MATN2: variants seen among roughly 807,000 people sequenced by gnomAD.
MATN2 encodes matrilin-2.
MATN2 carries 69 observed loss-of-function variants against 103.2 expected under a neutral mutation model. That is an observed-to-expected ratio of 0.67 (90% CI 0.55 to 0.82). MATN2 has a LOEUF of 0.82. Ranked by LOEUF, MATN2 falls within the 40% of genes least tolerant of loss-of-function variation. The pLI is 0.00. For synonymous variants in MATN2, 429 were observed against 450.2 expected, an observed-to-expected ratio of 0.95 and a Z score of 0.60; for missense variants, 1,023 against 1,211.5, an observed-to-expected ratio of 0.84 and a Z score of 2.31.
At chr8:97,954,034 C>A (rs1029427296) in intron 4 of MATN2, among the ~76,000 whole-genome samples, 1 of 152,162 alleles carries the variant, frequency 6.6e-6, no homozygotes, top group South Asian at 2.1e-4. Context: ...TCTAGATTAT[C>A]TCACTCAACC....
At chr8:97,976,756 C>T (rs564174113) in intron 5 of MATN2, among the ~76,000 whole-genome samples, 1 of 149,544 alleles carries the variant, frequency 6.7e-6, no homozygotes, top group East Asian at 2.0e-4. Context: ...TTTTTTGAGA[C>T]AGGGTCTTGC....
chr8:97,932,983 A>G (rs1318142738), intron 3 of MATN2, among the ~76,000 whole-genome samples: 1 of 152,212 alleles, frequency 6.6e-6, no homozygotes, highest in Non-Finnish European at 1.5e-5. Flanking sequence ...GGGGGTTCTC[A>G]GAATGTGACA....
intron 2 of MATN2, among the ~76,000 whole-genome samples, chr8:97,929,309 C>A (rs760144140): frequency 3.9e-5 from 6 of 152,194 alleles, no homozygotes; most frequent in Non-Finnish European, 8.8e-5. Flanking sequence ...TTTTGGCTTT[C>A]TCTCTCTTTC....
chr8:97,888,271 G>T (rs755486597), intron 2 of MATN2, 29 bp downstream of exon 2: 1 of 1,493,276 alleles, frequency 6.7e-7, no homozygotes, highest in East Asian at 2.5e-5. Flanking sequence ...CCCCAAAAGT[G>T]GGCAGGTGGG....
intron 1 of MATN2, among the ~76,000 whole-genome samples, chr8:97,884,507 G>A (rs28574663): frequency 0.082 from 12,442 of 152,146 alleles, 1,414 homozygotes; most frequent in African/African-American, 0.26. Context: ...ACAACAGGCC[G>A]AGTGTGGTGG....
chr8:97,972,068 C>T (rs546397279), intron 5 of MATN2, among the ~76,000 whole-genome samples: 2 of 151,964 alleles, frequency 1.3e-5, no homozygotes, highest in Non-Finnish European at 2.9e-5. Flanking sequence ...TGGTAGCACA[C>T]ACCTGTAGTC....
intron 3 of MATN2, among the ~76,000 whole-genome samples, chr8:97,932,291 C>A (rs778464385): frequency 2.6e-5 from 4 of 152,138 alleles, no homozygotes; most frequent in Non-Finnish European, 5.9e-5. Context: ...CATAATCTCT[C>A]CTTGGATGGT....
chr8:98,006,243 T>A (rs74615699), intron 8 of MATN2, among the ~76,000 whole-genome samples: 6,521 of 152,020 alleles, frequency 0.043, 209 homozygotes, highest in East Asian at 0.13. Flanking sequence ...ATAATGGGGG[T>A]AAAAAAAATA....
chr8:97,973,085 TAAAA>T (rs1325158109), intron 5 of MATN2, among the ~76,000 whole-genome samples: 3 of 152,200 alleles, frequency 2.0e-5, no homozygotes, highest in Admixed American at 2.0e-4. Flanking sequence ...CTCTTGGCCT[TAAAA>T]AACTGTTAGA....
intron 6 of MATN2, among the ~76,000 whole-genome samples, chr8:97,987,659 A>T (rs547825738): frequency 7.2e-4 from 110 of 152,128 alleles, no homozygotes; most frequent in African/African-American, 2.6e-3. Flanking sequence ...ATTGTAAGGG[A>T]CTCTTACAAA....
chr8:97,973,345 T>G (rs1811720839), intron 5 of MATN2, among the ~76,000 whole-genome samples: 1 of 151,808 alleles, frequency 6.6e-6, no homozygotes, highest in Admixed American at 6.6e-5. Context: ...ATTATGAGAG[T>G]CAAGATCCAG....
chr8:97,930,305 T>A lies in MATN2; in HGVS notation c.143-648T>A, dbSNP rs559100107. Among the ~76,000 whole-genome samples the A allele has an allele frequency of 2.6e-5, 4 of 152,332 alleles. No individual in the cohort carries two copies. The South Asian group carries it at 6.2e-4, about 24-fold the overall frequency. On this transcript the variant is annotated intron_variant, in intron 2 of 18. Transcript: ENST00000254898. ...ACCCTGTCCTAAGCTTCTGTTATAT[T>A]CTCTGCAGTGCCCAGCCAAGCTTAT... is the stretch of plus-strand genomic sequence containing the variant.
intron 7 of MATN2, among the ~76,000 whole-genome samples, chr8:98,003,362 G>A (rs960015421): frequency 2.0e-5 from 3 of 152,074 alleles, no homozygotes; most frequent in African/African-American, 7.2e-5. Context: ...CCAGGACTCA[G>A]TGAGGCCCCT....
At chr8:98,006,515 A>G (rs1586149498) in intron 8 of MATN2, among the ~76,000 whole-genome samples, 1 of 152,226 alleles carries the variant, frequency 6.6e-6, no homozygotes, top group East Asian at 1.9e-4. Context: ...CAGCATCCAT[A>G]GCTAGGAAGT....
chr8:97,959,306 T>A (rs1220616976), intron 4 of MATN2, among the ~76,000 whole-genome samples: 1 of 152,238 alleles, frequency 6.6e-6, no homozygotes, highest in East Asian at 1.9e-4. Flanking sequence ...CCCTTGTCTG[T>A]TTTGTTCACC....
chr8:97,916,305 C>T (rs997098759), intron 2 of MATN2, among the ~76,000 whole-genome samples: 3 of 152,024 alleles, frequency 2.0e-5, no homozygotes, highest in Non-Finnish European at 2.9e-5. Context: ...CCTGGCCTCA[C>T]GTGATCTGCC....
At chr8:97,981,075 G>A (rs1309111894) in intron 6 of MATN2, among the ~76,000 whole-genome samples, 1 of 151,236 alleles carries the variant, frequency 6.6e-6, no homozygotes, top group Non-Finnish European at 1.5e-5. Context: ...CCAGCTACTT[G>A]GGAGGCTCAG....
At chr8:97,983,756 G>A (rs1812104525) in intron 6 of MATN2, among the ~76,000 whole-genome samples, 1 of 152,130 alleles carries the variant, frequency 6.6e-6, no homozygotes. Flanking sequence ...AGAATGCTTT[G>A]CACAGAGTAA....
chr8:97,987,384 G>A (rs1812229877), intron 6 of MATN2, among the ~76,000 whole-genome samples: 1 of 151,920 alleles, frequency 6.6e-6, no homozygotes, highest in African/African-American at 2.4e-5. Context: ...AAACCAACAT[G>A]GCACACATTT....
Sources: gnomAD v4.1 joint callset for allele counts (sites outside exome capture counted in the v4.1 genomes callset) on GRCh38, gnomAD v4.1.1 for gene constraint, MANE v1.5 for transcripts, NCBI Gene and HGNC (gene_info 2026-07-23, HGNC 2026-07-21) for gene names.